The following TLL1 variants were observed in gnomAD, a reference collection of about 807,000 sequenced individuals.
TLL1 encodes the protein tolloid like 1.
In TLL1, 49 loss-of-function variants were observed where a neutral mutation model predicts 128.2. The ratio of observed to expected loss-of-function variants is 0.38; its 90% CI spans 0.30 to 0.48. The LOEUF (loss-of-function observed/expected upper bound fraction) is 0.48, where lower values mean the gene tolerates loss of function less well. Among genes scored for constraint, TLL1 ranks in the 20% least tolerant of loss-of-function variants. The probability of loss-of-function intolerance (pLI) is 0.96; values close to 1 mark genes in which losing one functional copy is unlikely to be tolerated. For missense variants in TLL1, 1,123 were observed against 1,242.0 expected (o/e 0.90, Z 1.44); for synonymous variants, 454 against 418.8 (o/e 1.08, Z -1.03).
At chr4:166,076,215 G>A (rs994658113) in intron 17 of TLL1, among the ~76,000 whole-genome samples, 1 of 152,064 alleles carries the variant, frequency 6.6e-6, no homozygotes, top group African/African-American at 2.4e-5. Context: ...TGGGACTACA[G>A]GTGCACACCA....
chr4:165,979,939 C>T (rs1316527437), intron 1 of TLL1, among the ~76,000 whole-genome samples: 1 of 152,070 alleles, frequency 6.6e-6, no homozygotes, highest in African/African-American at 2.4e-5. Context: ...GTCTTGTTGA[C>T]TGACTGTATT....
chr4:166,046,776 G>A (rs539608190), intron 12 of TLL1, among the ~76,000 whole-genome samples: 4 of 152,072 alleles, frequency 2.6e-5, no homozygotes, highest in African/African-American at 7.2e-5. Context: ...AAACAGAAAC[G>A]CACAAAACAA....
chr4:166,090,581 G>C (rs1286461034), intron 18 of TLL1, among the ~76,000 whole-genome samples: 1 of 152,018 alleles, frequency 6.6e-6, no homozygotes, highest in Admixed American at 6.6e-5. Flanking sequence ...ATCAGTGTTT[G>C]CTAATGATAT....
chr4:166,074,274 TTTAA>T (rs796547512), intron 16 of TLL1, among the ~76,000 whole-genome samples: 62 of 151,132 alleles, frequency 4.1e-4, no homozygotes, highest in African/African-American at 1.4e-3. Context: ...TTTAGAGTAG[TTTAA>T]TTATGCCTTT....
chr4:165,900,442 T>C (rs1042876379), intron 1 of TLL1, among the ~76,000 whole-genome samples: 17 of 152,168 alleles, frequency 1.1e-4, no homozygotes, highest in African/African-American at 4.1e-4. Flanking sequence ...GGTGACAAAA[T>C]CTCTCAGCAT....
intron 1 of TLL1, among the ~76,000 whole-genome samples, chr4:165,950,668 A>G (rs2110939267): frequency 6.6e-6 from 1 of 152,248 alleles, no homozygotes; most frequent in African/African-American, 2.4e-5. Context: ...ATAAATACTC[A>G]AAAGGTCAAA....
chr4:166,061,534 C>T (rs151183321), intron 15 of TLL1, among the ~76,000 whole-genome samples: 11 of 152,144 alleles, frequency 7.2e-5, no homozygotes, highest in Admixed American at 2.6e-4. Context: ...CATGAGCTAC[C>T]GTGCCTGGCC....
chr4:166,093,591 G>C (rs1313167382), intron 19 of TLL1, among the ~76,000 whole-genome samples: 2 of 152,094 alleles, frequency 1.3e-5, no homozygotes, highest in Admixed American at 6.6e-5. Flanking sequence ...TCCTCTATCT[G>C]AACTGCAAGA....
Position 165,891,493 on chromosome 4 carries a change from C to T in TLL1, c.169+17420C>T, listed in dbSNP as rs181539699. ...CTCAAGTCACTTCTTGAATGCTTTG[C>T]TGCTTAGAAATTTCTTCCATCAGAT... On this transcript the variant is annotated intron_variant, in intron 1 of 20. Coordinates refer to ENST00000061240, the MANE Select transcript of TLL1 (RefSeq NM_012464.5). Among the ~76,000 whole-genome samples, 268 of 152,258 alleles carry T rather than the reference C, an allele frequency of 1.8e-3. 3 individuals are homozygous for T. The highest frequency in any genetic ancestry group is 4.6e-4 in the Non-Finnish European group (31 of 68,018).
At chr4:166,058,497 G>C (rs1056029727) in intron 14 of TLL1, among the ~76,000 whole-genome samples, 3 of 152,022 alleles carry the variant, frequency 2.0e-5, no homozygotes, top group African/African-American at 4.8e-5. Context: ...TCGTCTTTAT[G>C]TTTTAAGATG....
intron 18 of TLL1, among the ~76,000 whole-genome samples, chr4:166,083,390 G>A (rs930624194): frequency 1.1e-4 from 14 of 122,182 alleles, no homozygotes; most frequent in African/African-American, 3.3e-4. Context: ...TCATATTTGT[G>A]GGGAAAAAAC....
chr4:166,059,406 A>C (rs1393374070), intron 14 of TLL1, among the ~76,000 whole-genome samples: 1 of 152,150 alleles, frequency 6.6e-6, no homozygotes, highest in African/African-American at 2.4e-5. Context: ...ACCTTTTAAA[A>C]ATAGATCATC....
intron 2 of TLL1, among the ~76,000 whole-genome samples, chr4:165,991,127 T>A (rs1736620355): frequency 6.6e-6 from 1 of 152,032 alleles, no homozygotes; most frequent in Non-Finnish European, 1.5e-5. Context: ...CTTCTCCCAT[T>A]ATTTTGAAGG....
At chr4:165,972,444 G>A (rs148689072) in intron 1 of TLL1, among the ~76,000 whole-genome samples, 115 of 152,140 alleles carry the variant, frequency 7.6e-4, no homozygotes, top group Non-Finnish European at 1.3e-3. Flanking sequence ...TCAGCATATG[G>A]GTTCCAGGTT....
At chr4:165,898,494 G>T (rs989737127) in intron 1 of TLL1, among the ~76,000 whole-genome samples, 1 of 152,122 alleles carries the variant, frequency 6.6e-6, no homozygotes, top group Non-Finnish European at 1.5e-5. Flanking sequence ...TAATCATGTG[G>T]TTTTTGTCAT....
At chr4:166,071,169 T>G (rs1198016130) in intron 16 of TLL1, among the ~76,000 whole-genome samples, 1 of 151,944 alleles carries the variant, frequency 6.6e-6, no homozygotes, top group Non-Finnish European at 1.5e-5. Flanking sequence ...GACCATTGAC[T>G]TCTTTTTCCT....
chr4:166,101,335 C>A lies in TLL1; in HGVS notation c.*459C>A. On this transcript the variant is annotated 3_prime_UTR_variant, in exon 21 of 21. Transcript: ENST00000061240. The stretch of plus-strand genomic sequence containing the variant: ...TTTGTATCTTGGATACAGTGTAAAC[C>A]AGATCCATATAAGGTGAATGTGAAA... The A allele has an allele frequency of 4.6e-6, 1 of 218,592 alleles. No individual in the cohort carries two copies. The highest frequency in any genetic ancestry group is 9.1e-6 in the Non-Finnish European group (1 of 109,456). The allele number at this position is 218,592 out of a possible 1,614,324, so 13.5% of individuals were successfully genotyped here.
At chr4:165,917,673 G>A (rs1732847580) in intron 1 of TLL1, among the ~76,000 whole-genome samples, 1 of 152,034 alleles carries the variant, frequency 6.6e-6, no homozygotes, top group Non-Finnish European at 1.5e-5. Context: ...TGCAGTGTTT[G>A]CTCTTACAGT....
At chr4:165,994,634 TAAGTC>T in intron 4 of TLL1, 101 bp downstream of exon 4, 2 of 1,407,632 alleles carry the variant, frequency 1.4e-6, no homozygotes, top group Non-Finnish European at 2.0e-6. Flanking sequence ...TACATAGTAT[TAAGTC>T]AAGGTTGGAA....
Sources: gnomAD v4.1 joint callset for allele counts (sites outside exome capture counted in the v4.1 genomes callset) on GRCh38, gnomAD v4.1.1 for gene constraint, MANE v1.5 for transcripts, NCBI Gene and HGNC (gene_info 2026-07-23, HGNC 2026-07-21) for gene names.